COBL: variants seen among roughly 807,000 people sequenced by gnomAD.
COBL encodes the protein protein cordon-bleu.
Under a neutral mutation model 98.8 loss-of-function variants are expected in COBL, and 51 were observed. That is an observed-to-expected ratio of 0.52 (90% CI 0.41 to 0.65). The LOEUF is 0.65. Among genes scored for constraint, COBL ranks in the 30% least tolerant of loss-of-function variants. COBL has a pLI of 0.00. For missense variants in COBL, 1,617 were observed against 1,617.5 expected, an observed-to-expected ratio of 1.00 and a Z score of 0.01; for synonymous variants, 634 against 651.7, an observed-to-expected ratio of 0.97 and a Z score of 0.41.
intron 5 of COBL, among the ~76,000 whole-genome samples, chr7:51,177,055 G>A (rs1788441432): frequency 6.6e-6 from 1 of 152,146 alleles, no homozygotes; most frequent in Non-Finnish European, 1.5e-5. Flanking sequence ...AATAGGTTTA[G>A]CCTATTTCTG....
Position 51,125,587 on chromosome 7 carries a change from G to A in COBL, c.957+10571C>T, listed in dbSNP as rs146846221. ...CTGTTTTACAAACTGTCATGGAGCCGGGCAATCACTCAGCCTCTCTGTGCC... is the reference window on the plus strand; with the variant it reads ...CTGTTTTACAAACTGTCATGGAGCCAGGCAATCACTCAGCCTCTCTGTGCC... On this transcript the variant is annotated intron_variant, in intron 6 of 12. Transcript: ENST00000265136. 2.1e-3 allele frequency among the ~76,000 whole-genome samples: 325 copies of A among 152,222 alleles called. 1 individual carries two copies. Among genetic ancestry groups the A allele is most frequent in the African/African-American group, 7.5e-3 (313 of 41,520 alleles).
chr7:51,131,173 T>G (rs952647562), intron 6 of COBL, among the ~76,000 whole-genome samples: 4 of 152,224 alleles, frequency 2.6e-5, no homozygotes, highest in Non-Finnish European at 4.4e-5. Context: ...AGTTGGAATT[T>G]TATAGTGTTG....
At chr7:51,282,284 T>C (rs1266411430) in intron 1 of COBL, among the ~76,000 whole-genome samples, 1 of 151,982 alleles carries the variant, frequency 6.6e-6, no homozygotes, top group Non-Finnish European at 1.5e-5. Flanking sequence ...GTCTAAACAA[T>C]CCAACTAAAA....
At chr7:51,131,165 T>C (rs1434035515) in intron 6 of COBL, among the ~76,000 whole-genome samples, 1 of 152,196 alleles carries the variant, frequency 6.6e-6, no homozygotes, top group Admixed American at 6.5e-5. Context: ...ACTTCTCAAG[T>C]TGGAATTTTA....
chr7:51,035,064 TC>T (rs1309387185), intron 8 of COBL: 1 of 152,230 alleles, frequency 6.6e-6, no homozygotes, highest in Admixed American at 6.5e-5. Flanking sequence ...TGGACCTGCG[TC>T]CTTGGGCCCA....
At chr7:51,184,364 A>C (rs1789281073) in intron 4 of COBL, among the ~76,000 whole-genome samples, 165 bp from the exon 5 acceptor site, 1 of 152,248 alleles carries the variant, frequency 6.6e-6, no homozygotes, top group Admixed American at 6.5e-5. Context: ...AGCCACTTCA[A>C]GTCCTCAGGT....
At chr7:51,063,698 A>G (rs1294284100) in intron 7 of COBL, among the ~76,000 whole-genome samples, 4 of 152,240 alleles carry the variant, frequency 2.6e-5, no homozygotes, top group Non-Finnish European at 5.9e-5. Context: ...CCTTTCATGC[A>G]GTAAAACTGG....
intron 1 of COBL, among the ~76,000 whole-genome samples, chr7:51,310,951 C>A (rs1426786111): frequency 6.6e-6 from 1 of 151,902 alleles, no homozygotes; most frequent in African/African-American, 2.4e-5. Flanking sequence ...CCACTGAGCC[C>A]GGCCGGTTGT....
chr7:51,065,316 A>G (rs1676691757), intron 7 of COBL: 1 of 703,422 alleles, frequency 1.4e-6, no homozygotes, highest in South Asian at 1.5e-5. Flanking sequence ...AGAAACAGGA[A>G]CACTTGATTT....
chr7:51,145,986 C>T (rs1165403700), intron 5 of COBL, among the ~76,000 whole-genome samples: 3 of 151,964 alleles, frequency 2.0e-5, no homozygotes, highest in Admixed American at 6.5e-5. Context: ...TCCTGACCAT[C>T]ACAGCACACT....
Position 51,029,001 on chromosome 7 carries a change from A to G in COBL, c.2095T>C (p.Tyr699His), listed in dbSNP as rs1478789644. 3 of 1,614,156 alleles carry G rather than the reference A, an allele frequency of 1.9e-6. No homozygotes were observed. The highest frequency in any genetic ancestry group is 2.2e-5 in the South Asian group (2 of 91,074). ...HQRGQNPGKS[Y>H]RLKHGLTTYK... ...GTTGTGAGGCCGTGCTTAAGTCTGT[A>G]GCTTTTCCCTGGGTTTTGGCCTCGT... The change falls in exon 10 of 13, where the codon TAC becomes CAC. Residue 699 changes from tyrosine to histidine, a missense_variant. Tyr to His is a moderately conservative substitution (Grantham distance 83, BLOSUM62 2). This residue lies in a region of COBL where 1,304 missense variants were observed against 1,282.0 expected (regional missense o/e 1.02). Coordinates refer to ENST00000265136, the MANE Select transcript of COBL (RefSeq NM_015198.5).
chr7:51,211,892 T>TC (rs1792472034), intron 2 of COBL, among the ~76,000 whole-genome samples: 1 of 152,120 alleles, frequency 6.6e-6, no homozygotes, highest in East Asian at 1.9e-4. Flanking sequence ...GCCTCTCCTC[T>TC]CTCTCTCTCA....
intron 1 of COBL, among the ~76,000 whole-genome samples, chr7:51,282,712 C>CTAGAATTCTACCCAACTG (rs1799916630): frequency 6.6e-6 from 1 of 152,036 alleles, no homozygotes; most frequent in Non-Finnish European, 1.5e-5. Context: ...ATTGACATTA[C>CTAGAATTCTACCCAACTG]TAGAATTCTA....
Position 51,144,696 on chromosome 7 carries a change from C to T in COBL, c.784-8365G>A, listed in dbSNP as rs1423066601. On this transcript the variant is annotated intron_variant, in intron 5 of 12. Coordinates refer to ENST00000265136, the MANE Select transcript of COBL (RefSeq NM_015198.5). The stretch of plus-strand genomic sequence containing the variant: ...CCTTGTACCCATTAAGCAGACACTC[C>T]CCAATCCCCTTTCCCCACCCCAGTC... Among the ~76,000 whole-genome samples the T allele has an allele frequency of 2.0e-5, 3 of 152,142 alleles. No homozygotes were observed. In the South Asian group the frequency reaches 6.2e-4, roughly 32 times the overall value.
chr7:51,129,079 C>G (rs1393617109), intron 6 of COBL, among the ~76,000 whole-genome samples: 1 of 152,222 alleles, frequency 6.6e-6, no homozygotes, highest in African/African-American at 2.4e-5. Flanking sequence ...TTGAGGAAAG[C>G]AATTCTTTCG....
intron 1 of COBL, among the ~76,000 whole-genome samples, chr7:51,308,476 G>C (rs572556299): frequency 1.3e-5 from 2 of 152,102 alleles, no homozygotes; most frequent in African/African-American, 4.8e-5. Flanking sequence ...ATGTTCCTTA[G>C]CCTTAGTTTG....
chr7:51,251,822 A>C (rs1201524104), intron 1 of COBL, among the ~76,000 whole-genome samples: 2 of 152,174 alleles, frequency 1.3e-5, no homozygotes, highest in Non-Finnish European at 2.9e-5. Flanking sequence ...AAACTACTCC[A>C]TGATCCATTT....
chr7:51,136,125 T>C, intron 6 of COBL, 33 bp downstream of exon 6: 1 of 1,587,768 alleles, frequency 6.3e-7, no homozygotes, highest in Non-Finnish European at 8.6e-7. Context: ...ACTGAAAAGA[T>C]GCTTTGGTTG....
intron 2 of COBL, among the ~76,000 whole-genome samples, chr7:51,197,395 T>A (rs1790691772): frequency 6.6e-6 from 1 of 152,218 alleles, no homozygotes. Flanking sequence ...TTGGTTGTTA[T>A]TATTTAAGTT....
Sources: allele counts gnomAD v4.1 joint callset (sites outside exome capture counted in the v4.1 genomes callset), GRCh38; gene constraint gnomAD v4.1.1; regional missense constraint gnomAD v4.1.1; transcripts MANE v1.5; gene names NCBI Gene and HGNC (gene_info 2026-07-23, HGNC 2026-07-21).